The following CACNA2D3 variants were observed in gnomAD, a reference collection of about 807,000 sequenced individuals.
CACNA2D3 encodes the protein calcium voltage-gated channel auxiliary subunit alpha2delta 3.
CACNA2D3 carries 60 observed loss-of-function variants against 160.6 expected under a neutral mutation model. That is an observed-to-expected ratio of 0.37 (90% CI 0.30 to 0.46). CACNA2D3 has a LOEUF of 0.46. Ranked by LOEUF, CACNA2D3 falls within the 20% of genes least tolerant of loss-of-function variation. CACNA2D3 has a pLI of 1.00. For missense variants in CACNA2D3, 1,205 were observed against 1,365.0 expected (o/e 0.88, Z 1.85); for synonymous variants, 558 against 492.9 (o/e 1.13, Z -1.75).
At position 54,572,738 on chromosome 3, in the gene CACNA2D3, A is replaced by G. The variant is rs549179761; in HGVS notation, c.888+2634A>G. Among the ~76,000 whole-genome samples the G allele has an allele frequency of 5.9e-5, 9 of 152,348 alleles. No individual in the cohort carries two copies. The East Asian group carries it at 1.5e-3, about 26-fold the overall frequency. Reference sequence around the variant, plus strand: ...TTGCCAGCCTAGTGGTGAGAATGCAAGTGTGGCTTGATCCCCACACATCCT... The same window carrying G: ...TTGCCAGCCTAGTGGTGAGAATGCAGGTGTGGCTTGATCCCCACACATCCT... On this transcript the variant is annotated intron_variant, in intron 8 of 37. Coordinates refer to ENST00000474759, the MANE Select transcript of CACNA2D3 (RefSeq NM_018398.3).
intron 11 of CACNA2D3, among the ~76,000 whole-genome samples, chr3:54,713,066 T>C (rs534319319): frequency 6.6e-6 from 1 of 152,360 alleles, no homozygotes; most frequent in Non-Finnish European, 1.5e-5. Context: ...AAGACTCCTG[T>C]AATGGCTTAG....
intron 11 of CACNA2D3, among the ~76,000 whole-genome samples, chr3:54,685,666 T>G (rs1700436919): frequency 6.6e-6 from 1 of 152,256 alleles, no homozygotes. Context: ...ACCTATAATG[T>G]GCTCAGCATT....
At chr3:54,902,801 C>T (rs1468721277) in intron 27 of CACNA2D3, among the ~76,000 whole-genome samples, 3 of 152,152 alleles carry the variant, frequency 2.0e-5, no homozygotes, top group Non-Finnish European at 2.9e-5. Flanking sequence ...CCCTTGCCTT[C>T]CTGTGTGTCA....
At chr3:55,070,397 G>T (rs1023963232) in intron 35 of CACNA2D3, among the ~76,000 whole-genome samples, 1 of 152,142 alleles carries the variant, frequency 6.6e-6, no homozygotes, top group African/African-American at 2.4e-5. Context: ...ACAGAGAAAT[G>T]GGGTGGTTGC....
At chr3:54,617,231 C>A (rs1030975751) in intron 9 of CACNA2D3, among the ~76,000 whole-genome samples, 1 of 152,130 alleles carries the variant, frequency 6.6e-6, no homozygotes, top group Non-Finnish European at 1.5e-5. Context: ...AGAATATGGA[C>A]CTTGCTACTG....
chr3:54,915,784 A>G (rs1431937415), intron 27 of CACNA2D3, among the ~76,000 whole-genome samples: 3 of 152,238 alleles, frequency 2.0e-5, no homozygotes, highest in African/African-American at 7.2e-5. Flanking sequence ...TTTCATTGCC[A>G]ACTGCTGTTT....
chr3:54,549,395 G>A (rs1447621506), intron 5 of CACNA2D3, among the ~76,000 whole-genome samples: 1 of 152,204 alleles, frequency 6.6e-6, no homozygotes. Context: ...GCAGTGAGCC[G>A]AGATCGTGCC....
intron 11 of CACNA2D3, among the ~76,000 whole-genome samples, chr3:54,669,965 T>C (rs780614403): frequency 6.6e-6 from 1 of 152,126 alleles, no homozygotes; most frequent in Non-Finnish European, 1.5e-5. Flanking sequence ...CTGGGGCTCT[T>C]CTGAAATGCA....
At chr3:54,331,812 G>A (rs942218287) in intron 3 of CACNA2D3, among the ~76,000 whole-genome samples, 9 of 152,106 alleles carry the variant, frequency 5.9e-5, no homozygotes, top group Non-Finnish European at 1.2e-4. Context: ...CCTATTAAAA[G>A]TTCTATTTGT....
intron 2 of CACNA2D3, among the ~76,000 whole-genome samples, chr3:54,145,738 C>T (rs1456421146): frequency 6.6e-6 from 1 of 152,210 alleles, no homozygotes; most frequent in Non-Finnish European, 1.5e-5. Flanking sequence ...GACCAACAGG[C>T]AACTTTTCAA....
chr3:54,822,758 CTTTCT>C (rs1703641458), intron 14 of CACNA2D3, among the ~76,000 whole-genome samples: 5 of 81,622 alleles, frequency 6.1e-5, no homozygotes, highest in African/African-American at 2.5e-4. Flanking sequence ...TTCTTTCTTT[CTTTCT>C]TTCTTTCTTT....
chr3:54,456,362 T>G (rs992554830), intron 4 of CACNA2D3, among the ~76,000 whole-genome samples: 1 of 152,010 alleles, frequency 6.6e-6, no homozygotes, highest in Non-Finnish European at 1.5e-5. Flanking sequence ...TTAGCTAGTT[T>G]GTTGTTGGTG....
intron 4 of CACNA2D3, among the ~76,000 whole-genome samples, chr3:54,482,243 GT>G (rs1052209331): frequency 3.9e-5 from 6 of 152,158 alleles, no homozygotes; most frequent in African/African-American, 1.4e-4. Flanking sequence ...TGAAATTTTT[GT>G]TGTTGTATTT....
intron 2 of CACNA2D3, among the ~76,000 whole-genome samples, chr3:54,187,019 TC>T (rs1316130866): frequency 2.0e-5 from 3 of 152,210 alleles, no homozygotes; most frequent in Non-Finnish European, 4.4e-5. Context: ...GACCACTTTT[TC>T]TGAGTCTGCT....
At chr3:54,974,883 T>C (rs1702350925) in intron 29 of CACNA2D3, among the ~76,000 whole-genome samples, 1 of 152,158 alleles carries the variant, frequency 6.6e-6, no homozygotes. Flanking sequence ...TTGGGCTTAA[T>C]TTGGGAGGAA....
rs1180666367 is a variant in CACNA2D3, at chr3:54,487,203, C to CA, written c.382-16283dup. The stretch of plus-strand genomic sequence containing the variant: ...GCAACATAGTGAGACCCCATCTTTA[C>CA]AAAAAATGAATAAAATTAGCTGGGA... On this transcript the variant is annotated intron_variant, in intron 4 of 37. Transcript: ENST00000474759. Among the ~76,000 whole-genome samples the CA allele has an allele frequency of 2.0e-5, 3 of 151,900 alleles. No homozygotes were observed. The East Asian group carries it at 5.8e-4, about 29-fold the overall frequency.
chr3:54,350,986 G>GTTTTTTTTTTTTTTTTTTTT (rs796392854), intron 3 of CACNA2D3, among the ~76,000 whole-genome samples: 29 of 65,950 alleles, frequency 4.4e-4, no homozygotes, highest in Non-Finnish European at 7.2e-4. Flanking sequence ...TTTTTTGTTT[G>GTTTTTTTTTTTTTTTTTTTT]TTTTTTTTTT....
At chr3:54,141,094 C>CGT (rs1553731352) in intron 2 of CACNA2D3, among the ~76,000 whole-genome samples, 2 of 81,892 alleles carry the variant, frequency 2.4e-5, no homozygotes, top group African/African-American at 7.6e-5. Flanking sequence ...TGTGCGCGCG[C>CGT]GCGCGTGTGT....
At chr3:54,204,906 A>G (rs1021169385) in intron 2 of CACNA2D3, among the ~76,000 whole-genome samples, 2 of 152,046 alleles carry the variant, frequency 1.3e-5, no homozygotes, top group Non-Finnish European at 2.9e-5. Context: ...GAAAGAATAT[A>G]TTGCAGGTAA....
Sources: allele counts gnomAD v4.1 joint callset (sites outside exome capture counted in the v4.1 genomes callset), GRCh38; gene constraint gnomAD v4.1.1; transcripts MANE v1.5; gene names NCBI Gene and HGNC (gene_info 2026-07-23, HGNC 2026-07-21).